DCC: variants seen among roughly 807,000 people sequenced by gnomAD.
DCC encodes the protein DCC netrin 1 receptor, also known as netrin receptor DCC.
A neutral mutation model predicts 172.5 loss-of-function variants in DCC; 58 were observed. That is an observed-to-expected ratio of 0.34 (90% CI 0.27 to 0.42). The LOEUF (loss-of-function observed/expected upper bound fraction) is 0.42, where lower values mean the gene tolerates loss of function less well. Ranked by LOEUF, DCC falls within the 10% of genes least tolerant of loss-of-function variation. DCC has a pLI of 1.00. For missense variants in DCC, 1,740 were observed against 1,791.0 expected, an observed-to-expected ratio of 0.97 and a Z score of 0.51; for synonymous variants, 709 against 644.5, an observed-to-expected ratio of 1.10 and a Z score of -1.52.
rs190238311 is a variant in DCC, at chr18:53,222,209, G to C, written c.1911+6612G>C. On this transcript the variant is annotated intron_variant, in intron 12 of 28. Transcript: ENST00000442544. Reference sequence around the variant, plus strand: ...TAACTAGTTTTTAAACAACATAAATGCATCATTCCAACTTAACTGCTTTCT... The same window carrying C: ...TAACTAGTTTTTAAACAACATAAATCCATCATTCCAACTTAACTGCTTTCT... 1.4e-3 allele frequency among the ~76,000 whole-genome samples: 218 copies of C among 152,106 alleles called. 1 individual carries two copies. The highest frequency in any genetic ancestry group is 5.0e-3 in the African/African-American group (207 of 41,516).
intron 1 of DCC, among the ~76,000 whole-genome samples, chr18:52,750,516 T>C (rs1047283481): frequency 4.6e-5 from 7 of 152,204 alleles, no homozygotes; most frequent in African/African-American, 1.7e-4. Context: ...AAGTTCCAGA[T>C]GCTTTCTGAG....
At chr18:53,040,073 G>A (rs1010158511) in intron 5 of DCC, among the ~76,000 whole-genome samples, 3 of 151,878 alleles carry the variant, frequency 2.0e-5, no homozygotes, top group African/African-American at 7.3e-5. Context: ...GAATGTCAAA[G>A]CTTGACACTG....
At chr18:53,168,821 T>A (rs1202082923) in intron 8 of DCC, among the ~76,000 whole-genome samples, 1 of 151,562 alleles carries the variant, frequency 6.6e-6, no homozygotes, top group African/African-American at 2.4e-5. Context: ...CAGATGACTG[T>A]GCAAAGCTTT....
At chr18:52,827,638 A>T (rs1002888676) in intron 2 of DCC, among the ~76,000 whole-genome samples, 5 of 152,262 alleles carry the variant, frequency 3.3e-5, no homozygotes, top group Non-Finnish European at 7.3e-5. Flanking sequence ...CTTGGGGGCC[A>T]TAGAAAATCT....
chr18:52,760,337 C>T (rs563341101), intron 2 of DCC, among the ~76,000 whole-genome samples: 29 of 152,314 alleles, frequency 1.9e-4, no homozygotes, highest in African/African-American at 6.5e-4. Context: ...GCTCAATCAC[C>T]TCCCACGAGG....
chr18:52,484,764 T>C (rs1288633479), intron 1 of DCC, among the ~76,000 whole-genome samples: 13 of 151,632 alleles, frequency 8.6e-5, no homozygotes, highest in African/African-American at 3.1e-4. Context: ...AATACCTGTG[T>C]ATCAAACCTG....
intron 1 of DCC, among the ~76,000 whole-genome samples, chr18:52,376,649 ATTTG>A (rs1416221091): frequency 6.6e-6 from 1 of 151,994 alleles, no homozygotes; most frequent in Non-Finnish European, 1.5e-5. Flanking sequence ...TACACCATTT[ATTTG>A]TTTATTTGGG....
At chr18:52,709,459 A>G (rs1430991887) in intron 1 of DCC, among the ~76,000 whole-genome samples, 1 of 152,154 alleles carries the variant, frequency 6.6e-6, no homozygotes, top group Non-Finnish European at 1.5e-5. Flanking sequence ...CATGGCTCTA[A>G]ATCTATAGGG....
chr18:53,250,843 C>T (rs758174989), intron 12 of DCC, among the ~76,000 whole-genome samples: 4 of 151,906 alleles, frequency 2.6e-5, no homozygotes, highest in Non-Finnish European at 5.9e-5. Context: ...CTTCCGTTAT[C>T]TCCCTTGATT....
chr18:52,491,243 TAGA>T (rs1183101899), intron 1 of DCC, among the ~76,000 whole-genome samples: 5 of 152,106 alleles, frequency 3.3e-5, no homozygotes, highest in African/African-American at 1.2e-4. Flanking sequence ...GTAATAGGGA[TAGA>T]AGATGATCAA....
chr18:53,442,562 T>C (rs895194201), intron 22 of DCC, among the ~76,000 whole-genome samples: 4 of 152,150 alleles, frequency 2.6e-5, no homozygotes, highest in African/African-American at 9.7e-5. Flanking sequence ...ATTAGGCGAA[T>C]TAATAACCCT....
intron 12 of DCC, among the ~76,000 whole-genome samples, chr18:53,279,123 A>G (rs1293405462): frequency 3.3e-5 from 5 of 152,194 alleles, no homozygotes; most frequent in African/African-American, 1.2e-4. Flanking sequence ...GTGAGATGGT[A>G]TCTCATTGTG....
chr18:52,769,927 T>C (rs1165989820), intron 2 of DCC, among the ~76,000 whole-genome samples: 1 of 152,238 alleles, frequency 6.6e-6, no homozygotes, highest in Non-Finnish European at 1.5e-5. Context: ...TGTTTATTTC[T>C]TTCCATGTCT....
intron 1 of DCC, among the ~76,000 whole-genome samples, chr18:52,503,575 G>C (rs897376529): frequency 6.6e-6 from 1 of 152,096 alleles, no homozygotes. Flanking sequence ...CCGTAGTTCT[G>C]GTGACAGAAT....
rs192797198 is a variant in DCC, at chr18:52,438,892, A to G, written c.91+98014A>G. On this transcript the variant is annotated intron_variant, in intron 1 of 28. Coordinates refer to ENST00000442544, the MANE Select transcript of DCC (RefSeq NM_005215.4). ...TATAGTCGTGACTGAACAGCAGAGA[A>G]TTGAAGGGACCAGCAATTTCCACCT... is the stretch of plus-strand genomic sequence containing the variant. Among the ~76,000 whole-genome samples the G allele has an allele frequency of 3.2e-3, 488 of 152,298 alleles. 2 individuals carry two copies. The highest frequency in any genetic ancestry group is 6.8e-3 in the Middle Eastern group (2 of 294).
At chr18:52,584,788 C>A (rs185508424) in intron 1 of DCC, among the ~76,000 whole-genome samples, 3 of 151,934 alleles carry the variant, frequency 2.0e-5, no homozygotes, top group African/African-American at 7.2e-5. Flanking sequence ...AATCCTCCCA[C>A]CTCAGCTTTC....
At chr18:52,543,979 G>T (rs1403139098) in intron 1 of DCC, among the ~76,000 whole-genome samples, 1 of 152,154 alleles carries the variant, frequency 6.6e-6, no homozygotes, top group Non-Finnish European at 1.5e-5. Flanking sequence ...GCTTACAAAA[G>T]AAAAATTGTC....
chr18:53,068,867 A>G lies in DCC; in HGVS notation c.1261+2701A>G, dbSNP rs548552943. Among the ~76,000 whole-genome samples the G allele has an allele frequency of 1.6e-3, 241 of 151,326 alleles. 1 individual carries two copies. Among genetic ancestry groups the G allele is most frequent in the Middle Eastern group, 6.8e-3 (2 of 292 alleles). On this transcript the variant is annotated intron_variant, in intron 7 of 28. Transcript: ENST00000442544. ...GGGAAATGGGCAACTTTATTCTGCT[A>G]TTTCATGGTCTATACAAACCTGCCC...
At chr18:53,254,507 C>T (rs1348753399) in intron 12 of DCC, among the ~76,000 whole-genome samples, 2 of 151,998 alleles carry the variant, frequency 1.3e-5, no homozygotes, top group Non-Finnish European at 2.9e-5. Context: ...CATTGAATCC[C>T]TCTTTCAAAG....
Sources: allele counts gnomAD v4.1 joint callset (sites outside exome capture counted in the v4.1 genomes callset), GRCh38; gene constraint gnomAD v4.1.1; transcripts MANE v1.5; gene names NCBI Gene and HGNC (gene_info 2026-07-23, HGNC 2026-07-21).